Variants in PSD3 observed in about 807,000 individuals in gnomAD.
PSD3 encodes PH and SEC7 domain-containing protein 3.
A neutral mutation model predicts 105.5 loss-of-function variants in PSD3; 49 were observed. The observed-to-expected ratio is 0.46, with a 90% CI of 0.37 to 0.59. The LOEUF (loss-of-function observed/expected upper bound fraction) is 0.59. PSD3 is among the 20% of genes least tolerant of loss of function. PSD3 has a pLI of 0.00. For synonymous variants in PSD3, 557 were observed against 457.8 expected (o/e 1.22, Z -2.77); for missense variants, 1,561 against 1,263.8 (o/e 1.24, Z -3.57).
intron 8 of PSD3, chr8:18,774,827 A>G: frequency 2.2e-6 from 1 of 453,064 alleles, no homozygotes; most frequent in Non-Finnish European, 4.4e-6. Context: ...GGCGACATAC[A>G]TCTGGGACAG....
chr8:18,766,057 T>C (rs562903004), intron 8 of PSD3, among the ~76,000 whole-genome samples: 103 of 151,914 alleles, frequency 6.8e-4, no homozygotes, highest in African/African-American at 2.3e-3. Flanking sequence ...CTGGGCACAG[T>C]GGCTCCTGAC....
chr8:18,560,668 C>T (rs1047326298), intron 14 of PSD3, among the ~76,000 whole-genome samples: 1 of 151,954 alleles, frequency 6.6e-6, no homozygotes, highest in African/African-American at 2.4e-5. Context: ...ATCTAAAAGG[C>T]AAGTTTTCGA....
At chr8:18,846,728 G>A (rs944992310) in intron 4 of PSD3, among the ~76,000 whole-genome samples, 4 of 152,116 alleles carry the variant, frequency 2.6e-5, no homozygotes, top group African/African-American at 4.8e-5. Flanking sequence ...GGGAGGCGCC[G>A]GCAAAACCGA....
chr8:19,011,668 G>A (rs1378006120), intron 1 of PSD3, among the ~76,000 whole-genome samples: 1 of 151,612 alleles, frequency 6.6e-6, no homozygotes, highest in African/African-American at 2.4e-5. Context: ...ACATAATAAG[G>A]TATATGTTAT....
At chr8:18,838,247 G>A (rs532628163) in intron 4 of PSD3, among the ~76,000 whole-genome samples, 9 of 152,134 alleles carry the variant, frequency 5.9e-5, no homozygotes, top group Non-Finnish European at 1.0e-4. Flanking sequence ...CATGTAGAGC[G>A]ATGGCTTTAT....
At chr8:18,984,603 G>T (rs564758224) in intron 1 of PSD3, among the ~76,000 whole-genome samples, 39 of 152,214 alleles carry the variant, frequency 2.6e-4, no homozygotes, top group African/African-American at 8.7e-4. Context: ...TTAAAATGAG[G>T]CCACAATATA....
At chr8:19,045,768 C>T (rs914480070) in intron 1 of PSD3, among the ~76,000 whole-genome samples, 4 of 152,176 alleles carry the variant, frequency 2.6e-5, no homozygotes, top group African/African-American at 9.7e-5. Flanking sequence ...GGAGAAGATG[C>T]TGTTAACATT....
chr8:18,680,667 T>C (rs1174628418), intron 9 of PSD3, among the ~76,000 whole-genome samples: 3 of 152,080 alleles, frequency 2.0e-5, no homozygotes, highest in Admixed American at 6.6e-5. Context: ...ACACTCTCTC[T>C]AGAGGAAATG....
intron 2 of PSD3, among the ~76,000 whole-genome samples, chr8:18,879,335 T>A (rs529060388): frequency 6.6e-5 from 10 of 152,208 alleles, no homozygotes; most frequent in African/African-American, 2.4e-4. Context: ...GCGTGACAGA[T>A]TGCTTGCTTT....
intron 11 of PSD3, among the ~76,000 whole-genome samples, chr8:18,609,504 A>G (rs970742155): frequency 6.6e-6 from 1 of 152,258 alleles, no homozygotes; most frequent in Non-Finnish European, 1.5e-5. Context: ...TACTAGCTGT[A>G]AAAAGCACAA....
At chr8:19,013,472 G>C in intron 1 of PSD3, 91 bp downstream of exon 1, 2 of 1,550,440 alleles carry the variant, frequency 1.3e-6, no homozygotes, top group South Asian at 2.2e-5. Flanking sequence ...GGATCCTGGG[G>C]GACAGAGCGG....
intron 12 of PSD3, among the ~76,000 whole-genome samples, chr8:18,586,223 A>G (rs547802382): frequency 6.6e-6 from 1 of 152,220 alleles, no homozygotes; most frequent in Non-Finnish European, 1.5e-5. Flanking sequence ...TTTGGCTGGG[A>G]TGGGAGTAGT....
Position 18,650,418 on chromosome 8 carries a change from G to A in PSD3, c.2216+5224C>T, listed in dbSNP as rs1808386361. 2.0e-5 allele frequency among the ~76,000 whole-genome samples: 3 copies of A among 152,204 alleles called. No homozygotes were observed. The South Asian group carries it at 6.2e-4, about 31-fold the overall frequency. On this transcript the variant is annotated intron_variant, in intron 10 of 15. Coordinates refer to ENST00000327040, the MANE Select transcript of PSD3 (RefSeq NM_015310.4). ...ATTATCAGCAGGCTGCATGATGCAA[G>A]TAGGTCAACAAATAGATGCTTCACT...
chr8:18,813,002 T>A (rs972577050), intron 4 of PSD3, among the ~76,000 whole-genome samples: 3 of 152,040 alleles, frequency 2.0e-5, no homozygotes, highest in Admixed American at 6.6e-5. Flanking sequence ...GACTCAAAAT[T>A]GAGACAGAAA....
chr8:19,029,104 A>G (rs567703086), intron 1 of PSD3, among the ~76,000 whole-genome samples: 2 of 152,270 alleles, frequency 1.3e-5, no homozygotes, highest in South Asian at 2.1e-4. Context: ...AAGTATTCTA[A>G]ATTTGTTCTC....
chr8:18,799,252 G>A (rs757617705), intron 8 of PSD3, 43 bp downstream of exon 8: 8 of 1,507,212 alleles, frequency 5.3e-6, no homozygotes, highest in African/African-American at 4.1e-5. Context: ...GCAGAGATAA[G>A]CCCGACATGT....
intron 1 of PSD3, among the ~76,000 whole-genome samples, chr8:18,972,972 A>G (rs1824735829): frequency 6.6e-6 from 1 of 150,792 alleles, no homozygotes; most frequent in Admixed American, 6.6e-5. Flanking sequence ...TGAAACAAAT[A>G]AAAGCTGAAA....
At chr8:18,584,142 T>A (rs978581333) in intron 12 of PSD3, among the ~76,000 whole-genome samples, 1 of 152,178 alleles carries the variant, frequency 6.6e-6, no homozygotes, top group African/African-American at 2.4e-5. Context: ...ACTCAACTAA[T>A]AGAAGATACG....
chr8:18,961,504 CA>C (rs1823919360), intron 1 of PSD3, among the ~76,000 whole-genome samples: 1 of 152,178 alleles, frequency 6.6e-6, no homozygotes, highest in Non-Finnish European at 1.5e-5. Context: ...GCCTGGCCAA[CA>C]TGATGAAACC....
Sources: allele counts gnomAD v4.1 joint callset (sites outside exome capture counted in the v4.1 genomes callset), GRCh38; gene constraint gnomAD v4.1.1; transcripts MANE v1.5; gene names NCBI Gene and HGNC (gene_info 2026-07-23, HGNC 2026-07-21).